Variants in DCDC2C observed in about 807,000 individuals in gnomAD.
DCDC2C encodes doublecortin domain containing 2C.
DCDC2C carries 44 observed loss-of-function variants against 45.0 expected under a neutral mutation model. The ratio of observed to expected loss-of-function variants is 0.98; its 90% CI spans 0.77 to 1.26. The LOEUF is 1.26. DCDC2C is among the 50% of genes most tolerant of loss of function. DCDC2C has a pLI of 0.00. For missense variants in DCDC2C, 447 were observed against 468.9 expected, an observed-to-expected ratio of 0.95 and a Z score of 0.43; for synonymous variants, 187 against 178.8, an observed-to-expected ratio of 1.05 and a Z score of -0.37.
At chr2:3,813,159 C>T (rs1456307025) in intron 10 of DCDC2C, among the ~76,000 whole-genome samples, 1 of 151,112 alleles carries the variant, frequency 6.6e-6, no homozygotes, top group Non-Finnish European at 1.5e-5. Context: ...GCAACCTCCA[C>T]CTCTCGGGTT....
chr2:3,748,570 A>T (rs755000833), intron 4 of DCDC2C, among the ~76,000 whole-genome samples: 9 of 152,128 alleles, frequency 5.9e-5, no homozygotes, highest in Non-Finnish European at 1.0e-4. Flanking sequence ...GTTGGACATC[A>T]GAGTGGGATG....
rs761717214 is a variant in DCDC2C, at chr2:3,734,068, G to C, written c.416+6989G>C. On this transcript the variant is annotated intron_variant, in intron 3 of 10. Coordinates refer to ENST00000399143, the MANE Select transcript of DCDC2C (RefSeq NM_001287444.2). This position sits in a 1 kb window ranked among gnomAD's most constrained non-coding sequence, Gnocchi z 4.2. The stretch of plus-strand genomic sequence containing the variant: ...TGCTGGGGTAGTAACAGTGCCTCCA[G>C]AAGTTCTGCTATTTGACTGGGCTAC... Among the ~76,000 whole-genome samples the C allele has an allele frequency of 5.3e-5, 8 of 152,236 alleles. No individual in the cohort carries two copies. The highest frequency in any genetic ancestry group is 1.0e-4 in the Non-Finnish European group (7 of 68,038).
chr2:3,814,637 C>A (rs929016776), intron 10 of DCDC2C, among the ~76,000 whole-genome samples: 10 of 152,310 alleles, frequency 6.6e-5, no homozygotes, highest in Admixed American at 2.6e-4. Context: ...TATGTTGATT[C>A]TTTCTCAGAA....
intron 10 of DCDC2C, among the ~76,000 whole-genome samples, chr2:3,834,694 A>G (rs1179548424): frequency 6.6e-6 from 1 of 152,194 alleles, no homozygotes; most frequent in East Asian, 1.9e-4. Flanking sequence ...GTGCTCTGTC[A>G]ACATGTCAAA....
intron 10 of DCDC2C, among the ~76,000 whole-genome samples, chr2:3,816,986 G>T (rs1374919979): frequency 6.6e-6 from 1 of 152,202 alleles, no homozygotes; most frequent in Non-Finnish European, 1.5e-5. Context: ...AATGATGACA[G>T]AATAGAATGG....
intron 2 of DCDC2C, among the ~76,000 whole-genome samples, chr2:3,712,335 C>T (rs1039079605): frequency 3.3e-5 from 5 of 152,062 alleles, no homozygotes; most frequent in African/African-American, 1.2e-4. Context: ...TGGGGATGCA[C>T]CTATGATCCC....
At chr2:3,743,075 G>A (rs534969682) in intron 4 of DCDC2C, among the ~76,000 whole-genome samples, 1 of 152,148 alleles carries the variant, frequency 6.6e-6, no homozygotes, top group Non-Finnish European at 1.5e-5. Context: ...CCATGCAAGT[G>A]GAAACCAAAA....
At chr2:3,814,053 T>C (rs1671491637) in intron 10 of DCDC2C, among the ~76,000 whole-genome samples, 1 of 152,062 alleles carries the variant, frequency 6.6e-6, no homozygotes, top group Non-Finnish European at 1.5e-5. Flanking sequence ...GCTGGTAATG[T>C]TTTTTCCTTT....
At chr2:3,783,025 T>C (rs1185223446) in intron 9 of DCDC2C, among the ~76,000 whole-genome samples, 1 of 152,196 alleles carries the variant, frequency 6.6e-6, no homozygotes, top group African/African-American at 2.4e-5. Flanking sequence ...CTTGGAAGTA[T>C]CTCCGTGCGG....
chr2:3,819,536 G>A (rs751930079), intron 10 of DCDC2C, among the ~76,000 whole-genome samples: 12 of 152,240 alleles, frequency 7.9e-5, no homozygotes, highest in Non-Finnish European at 1.8e-4. Flanking sequence ...AACTCCCGTT[G>A]TGGGGTTTGA....
intron 10 of DCDC2C, among the ~76,000 whole-genome samples, chr2:3,837,718 GA>G (rs1672116134): frequency 3.0e-5 from 1 of 32,920 alleles, no homozygotes; most frequent in Admixed American, 3.2e-4. Context: ...CAACACCATT[GA>G]AATTTTGGGC....
intron 6 of DCDC2C, among the ~76,000 whole-genome samples, chr2:3,762,287 C>A (rs1669899467): frequency 2.0e-5 from 3 of 151,068 alleles, no homozygotes; most frequent in Admixed American, 2.0e-4. Context: ...GGAGAAATGG[C>A]TGTGTAAGTG....
intron 2 of DCDC2C, among the ~76,000 whole-genome samples, chr2:3,718,939 C>G (rs570636428): frequency 6.6e-6 from 1 of 152,176 alleles, no homozygotes. Flanking sequence ...AATCCTCTTG[C>G]TAGCTACAGA....
At chr2:3,740,834 AAG>A (rs111242747) in intron 3 of DCDC2C, among the ~76,000 whole-genome samples, 1 of 152,234 alleles carries the variant, frequency 6.6e-6, no homozygotes, top group Non-Finnish European at 1.5e-5. Context: ...ATTTACTCTA[AAG>A]AGAGATATTT....
chr2:3,844,009 T>G (rs759037749), intron 10 of DCDC2C, among the ~76,000 whole-genome samples: 5 of 152,266 alleles, frequency 3.3e-5, no homozygotes, highest in Non-Finnish European at 7.4e-5. Flanking sequence ...TTTATTTCAG[T>G]TGACTTAGGT....
At chr2:3,811,651 T>G (rs1671398425) in intron 10 of DCDC2C, among the ~76,000 whole-genome samples, 1 of 152,210 alleles carries the variant, frequency 6.6e-6, no homozygotes, top group South Asian at 2.1e-4. Flanking sequence ...CACCCTTGGC[T>G]TGTACTGGTT....
intron 3 of DCDC2C, among the ~76,000 whole-genome samples, chr2:3,738,925 G>A (rs1382425314): frequency 6.6e-6 from 1 of 152,170 alleles, no homozygotes; most frequent in Admixed American, 6.5e-5. Context: ...TGTTCATTCA[G>A]CTACCTGGAA....
Position 3,813,370 on chromosome 2 carries a change from G to T in DCDC2C, c.1065+28270G>T, listed in dbSNP as rs568724372. On this transcript the variant is annotated intron_variant, in intron 10 of 10. Coordinates refer to ENST00000399143, the MANE Select transcript of DCDC2C (RefSeq NM_001287444.2). ...GCGTCAGCCACCAGGCCTGGCCAAA[G>T]AATGTATATTCTGTTGATTTGGGGT... 1.6e-4 allele frequency among the ~76,000 whole-genome samples: 25 copies of T among 152,154 alleles called. No individual in the cohort carries two copies. The East Asian group carries it at 4.7e-3, about 28-fold the overall frequency.
At chr2:3,755,240 A>G (rs1669659911) in intron 6 of DCDC2C, among the ~76,000 whole-genome samples, 1 of 151,102 alleles carries the variant, frequency 6.6e-6, no homozygotes, top group Non-Finnish European at 1.5e-5. Flanking sequence ...TGTGTATATG[A>G]TGTGCATATG....
Sources: gnomAD v4.1 joint callset for allele counts (sites outside exome capture counted in the v4.1 genomes callset) on GRCh38, gnomAD v4.1.1 for gene constraint, Gnocchi (gnomAD v3.1) non-coding constraint, MANE v1.5 for transcripts, NCBI Gene and HGNC (gene_info 2026-07-23, HGNC 2026-07-21) for gene names.